VAV3: variants seen among roughly 807,000 people sequenced by gnomAD.
The protein encoded by VAV3 is vav guanine nucleotide exchange factor 3.
In VAV3, 94 loss-of-function variants were observed where a neutral mutation model predicts 131.2. The observed-to-expected ratio is 0.72, with a 90% CI of 0.61 to 0.85. The LOEUF (loss-of-function observed/expected upper bound fraction) is 0.85. Among genes scored for constraint, VAV3 ranks in the 40% least tolerant of loss-of-function variants. The pLI is 0.00. For missense variants in VAV3, 939 were observed against 1,002.7 expected (o/e 0.94, Z 0.86); for synonymous variants, 349 against 342.0 (o/e 1.02, Z -0.22).
At chr1:107,603,505 C>A (rs1652025822) in intron 22 of VAV3, among the ~76,000 whole-genome samples, 1 of 152,062 alleles carries the variant, frequency 6.6e-6, no homozygotes, top group South Asian at 2.1e-4. Flanking sequence ...AGAAACTGCC[C>A]TGTATAAGAT....
At chr1:107,837,008 G>T (rs1113981) in intron 2 of VAV3, among the ~76,000 whole-genome samples, 1 of 151,766 alleles carries the variant, frequency 6.6e-6, no homozygotes, top group African/African-American at 2.4e-5. Flanking sequence ...TGCTGAAGCT[G>T]TTCCCAAAAA....
At chr1:107,637,619 G>A (rs1032908052) in intron 20 of VAV3, among the ~76,000 whole-genome samples, 1 of 152,152 alleles carries the variant, frequency 6.6e-6, no homozygotes, top group Non-Finnish European at 1.5e-5. Flanking sequence ...GCAACAGAGC[G>A]AGACTCCGTC....
At chr1:107,634,334 T>A (rs1654739260) in intron 20 of VAV3, among the ~76,000 whole-genome samples, 1 of 152,162 alleles carries the variant, frequency 6.6e-6, no homozygotes, top group Non-Finnish European at 1.5e-5. Flanking sequence ...TACAACCATC[T>A]GATCTTTGAC....
intron 21 of VAV3, among the ~76,000 whole-genome samples, chr1:107,612,176 A>G (rs1652797710): frequency 1.2e-5 from 1 of 82,206 alleles, no homozygotes; most frequent in Non-Finnish European, 2.6e-5. Context: ...AAATATTTAT[A>G]TTGGTCTATA....
chr1:107,732,517 C>T (rs993654835), intron 15 of VAV3, among the ~76,000 whole-genome samples: 12 of 152,192 alleles, frequency 7.9e-5, no homozygotes, highest in East Asian at 3.9e-4. Context: ...CTTAATACTA[C>T]GCTTTTCCAA....
At chr1:107,691,399 G>C (rs1196643492) in intron 17 of VAV3, among the ~76,000 whole-genome samples, 1 of 152,088 alleles carries the variant, frequency 6.6e-6, no homozygotes, top group Non-Finnish European at 1.5e-5. Context: ...TGGGCACTTG[G>C]ATCTCTAGAA....
At chr1:107,840,165 T>G (rs1297019949) in intron 2 of VAV3, among the ~76,000 whole-genome samples, 4 of 152,210 alleles carry the variant, frequency 2.6e-5, no homozygotes, top group African/African-American at 9.6e-5. Flanking sequence ...TTGTAAATGT[T>G]TTGCTGTTAG....
intron 2 of VAV3, among the ~76,000 whole-genome samples, chr1:107,864,825 T>C (rs920085651): frequency 6.6e-6 from 1 of 152,186 alleles, no homozygotes; most frequent in African/African-American, 2.4e-5. Context: ...CCAATTTGTT[T>C]CCTTAACTTG....
At chr1:107,632,050 C>T (rs1469274579) in intron 20 of VAV3, among the ~76,000 whole-genome samples, 8 of 152,090 alleles carry the variant, frequency 5.3e-5, no homozygotes, top group Admixed American at 3.3e-4. Flanking sequence ...GAGGAATCAC[C>T]ACACTGACTT....
chr1:107,775,577 CAAAAAAAAAAAAA>C (rs34775096), intron 4 of VAV3, among the ~76,000 whole-genome samples: 27 of 56,472 alleles, frequency 4.8e-4, no homozygotes, highest in African/African-American at 9.7e-4. Context: ...GACTCAGTCA[CAAAAAAAAAAAAA>C]AAAAAAAAAA....
intron 19 of VAV3, among the ~76,000 whole-genome samples, chr1:107,666,657 C>G (rs2101650656): frequency 6.6e-6 from 1 of 151,632 alleles, no homozygotes; most frequent in East Asian, 1.9e-4. Context: ...GCAACCTCTG[C>G]CTCCTGGGTT....
chr1:107,808,367 T>C (rs555663651), intron 2 of VAV3, among the ~76,000 whole-genome samples: 11 of 152,146 alleles, frequency 7.2e-5, no homozygotes, highest in Non-Finnish European at 1.6e-4. Flanking sequence ...TGAATGTGCA[T>C]AGAATACTAA....
intron 25 of VAV3, among the ~76,000 whole-genome samples, chr1:107,589,465 G>A (rs1009228846): frequency 1.3e-5 from 2 of 152,148 alleles, no homozygotes; most frequent in Non-Finnish European, 2.9e-5. Flanking sequence ...ACTGGGAGAG[G>A]GGCATGGGAG....
At chr1:107,620,919 G>C (rs1402062934) in intron 20 of VAV3, among the ~76,000 whole-genome samples, 2 of 152,072 alleles carry the variant, frequency 1.3e-5, no homozygotes, top group African/African-American at 4.8e-5. Context: ...TAGAGGAAGA[G>C]ACCGTGGTTG....
chr1:107,740,339 A>G (rs1662939169), intron 15 of VAV3, among the ~76,000 whole-genome samples: 2 of 152,162 alleles, frequency 1.3e-5, no homozygotes, highest in Non-Finnish European at 2.9e-5. Context: ...GAATAGAGAA[A>G]AAGTTACTAC....
At chr1:107,610,662 T>C (rs1652658928) in intron 21 of VAV3, among the ~76,000 whole-genome samples, 1 of 152,094 alleles carries the variant, frequency 6.6e-6, no homozygotes, top group African/African-American at 2.4e-5. Context: ...CAAGGAAAAA[T>C]ATTGCATTTG....
chr1:107,726,054 A>T (rs1341579131), intron 15 of VAV3, among the ~76,000 whole-genome samples: 1 of 152,220 alleles, frequency 6.6e-6, no homozygotes, highest in Non-Finnish European at 1.5e-5. Flanking sequence ...CTAATGAAAG[A>T]TTTTAATATT....
chr1:107,771,136 A>C (rs1221996988), intron 5 of VAV3, among the ~76,000 whole-genome samples: 1 of 152,218 alleles, frequency 6.6e-6, no homozygotes, highest in African/African-American at 2.4e-5. Context: ...CAACATTAAC[A>C]TCTTACTGCT....
At chr1:107,821,240 C>T (rs1667779810) in intron 2 of VAV3, among the ~76,000 whole-genome samples, 1 of 152,134 alleles carries the variant, frequency 6.6e-6, no homozygotes, top group Non-Finnish European at 1.5e-5. Flanking sequence ...TGTGTATTCA[C>T]TGATTTGGCA....
Sources: allele counts gnomAD v4.1 joint callset (sites outside exome capture counted in the v4.1 genomes callset), GRCh38; gene constraint gnomAD v4.1.1; transcripts MANE v1.5; gene names NCBI Gene and HGNC (gene_info 2026-07-23, HGNC 2026-07-21).